DPYSL3: variants seen among roughly 807,000 people sequenced by gnomAD.
DPYSL3 encodes dihydropyrimidinase like 3.
Under a neutral mutation model 66.1 loss-of-function variants are expected in DPYSL3, and 16 were observed. The ratio of observed to expected loss-of-function variants is 0.24; its 90% CI spans 0.16 to 0.37. The LOEUF (loss-of-function observed/expected upper bound fraction) is 0.37. Ranked by LOEUF, DPYSL3 falls within the 10% of genes least tolerant of loss-of-function variation. DPYSL3 has a pLI of 1.00. For missense variants in DPYSL3, 738 were observed against 916.2 expected (o/e 0.81, Z 2.51); for synonymous variants, 338 against 345.1 (o/e 0.98, Z 0.23).
intron 2 of DPYSL3, among the ~76,000 whole-genome samples, chr5:147,421,788 G>C (rs931086833): frequency 2.0e-5 from 3 of 152,142 alleles, no homozygotes; most frequent in African/African-American, 7.2e-5. Flanking sequence ...AAACGGTGTT[G>C]GGAAAACTGG....
rs1367811557 is a variant in DPYSL3, at chr5:147,391,928, A to G, written c.*2107T>C. On this transcript the variant is annotated 3_prime_UTR_variant, in exon 14 of 14. Coordinates refer to ENST00000343218, the MANE Select transcript of DPYSL3 (RefSeq NM_001197294.2). ...ATTTGGCCATGGAAGACTTATCTTC[A>G]TGGCACAGAGAGGTTGTGCAGAGAT... The G allele has an allele frequency of 1.3e-5, 2 of 152,250 alleles. No homozygotes were observed. The highest frequency in any genetic ancestry group is 4.8e-5 in the African/African-American group (2 of 41,454). The allele number at this position is 152,250 out of a possible 1,614,324, so 9.4% of individuals were successfully genotyped here. A position where few individuals can be genotyped will look rare whatever the true frequency, so the allele number is the denominator to read the frequency against.
At chr5:147,409,082 C>T (rs1348856741) in intron 6 of DPYSL3, among the ~76,000 whole-genome samples, 1 of 152,202 alleles carries the variant, frequency 6.6e-6, no homozygotes, top group Non-Finnish European at 1.5e-5. Context: ...TATTGTTCAT[C>T]TCTCTCAGTC....
intron 8 of DPYSL3, among the ~76,000 whole-genome samples, chr5:147,403,109 C>T (rs1313833096): frequency 6.6e-6 from 1 of 152,030 alleles, no homozygotes; most frequent in Admixed American, 6.6e-5. Context: ...TCTAATAATG[C>T]GCGGGGTCTC....
intron 1 of DPYSL3, chr5:147,453,789 C>T: frequency 7.8e-7 from 1 of 1,279,036 alleles, no homozygotes; most frequent in Non-Finnish European, 9.9e-7. Flanking sequence ...CCCGGTCCCC[C>T]TTTCACCCCC....
intron 6 of DPYSL3, 121 bp downstream of exon 6, chr5:147,412,487 C>A: frequency 1.0e-6 from 1 of 978,874 alleles, no homozygotes; most frequent in Non-Finnish European, 1.6e-6. Context: ...CAGGTTCTGT[C>A]TTTAGCAAGG....
intron 1 of DPYSL3, chr5:147,473,139 A>G (rs1269033305): frequency 6.6e-6 from 1 of 152,222 alleles, no homozygotes; most frequent in Non-Finnish European, 1.5e-5. Flanking sequence ...ATGCCAAAAC[A>G]TGAAGCAGGG....
At chr5:147,464,179 G>C (rs1752974801) in intron 1 of DPYSL3, among the ~76,000 whole-genome samples, 1 of 152,164 alleles carries the variant, frequency 6.6e-6, no homozygotes, top group South Asian at 2.1e-4. Context: ...TCTGTGCAAG[G>C]ATAGGGAGCC....
intron 4 of DPYSL3, among the ~76,000 whole-genome samples, chr5:147,415,366 C>T (rs1751942329): frequency 6.6e-6 from 1 of 152,126 alleles, no homozygotes; most frequent in African/African-American, 2.4e-5. Context: ...TAGTTAGCCT[C>T]TCCTAACCTC....
chr5:147,441,153 C>A (rs924927090), intron 1 of DPYSL3, among the ~76,000 whole-genome samples: 3 of 151,580 alleles, frequency 2.0e-5, no homozygotes, highest in Admixed American at 6.6e-5. Flanking sequence ...TTAATTTTTT[C>A]ATTCTTTGTT....
intron 1 of DPYSL3, among the ~76,000 whole-genome samples, chr5:147,444,127 GTTATTATCCCTCCGGAGGGATAAT>G (rs1561790673): frequency 1.3e-5 from 2 of 152,104 alleles, no homozygotes. Context: ...AGAGGGATAA[GTTATTATCCCTCCGGAGGGATAAT>G]TTAAGGTAGC....
intron 1 of DPYSL3, among the ~76,000 whole-genome samples, chr5:147,487,360 T>A (rs1397340348): frequency 6.6e-6 from 1 of 152,218 alleles, no homozygotes; most frequent in African/African-American, 2.4e-5. Context: ...ATTTCAGGCA[T>A]CCTGAAAGGG....
At position 147,413,653 on chromosome 5, in the gene DPYSL3, A is replaced by T. The variant is rs1302915459; in HGVS notation, c.825T>A (p.Val275=). 6 of 1,611,644 alleles carry T rather than the reference A, an allele frequency of 3.7e-6. No homozygotes were observed. The highest frequency in any genetic ancestry group is 1.7e-5 in the Admixed American group (1 of 59,800). ...AAGCCATATAAACCATGAAGGAGTT[A>T]ACCCCTGCAAAAGAGGGACAGGAGG... The part of the protein sequence containing the change: ...EVQNLIKDKG[V]NSFMVYMAYK... The change falls in exon 5 of 14, where the codon GTT becomes GTA. Residue 275 remains valine (V), a synonymous_variant. Transcript: ENST00000343218.
intron 1 of DPYSL3, among the ~76,000 whole-genome samples, chr5:147,471,325 G>C (rs2126423507): frequency 6.6e-6 from 1 of 152,218 alleles, no homozygotes; most frequent in South Asian, 2.1e-4. Flanking sequence ...CAATGATTCA[G>C]ATGTAAGCCT....
intron 13 of DPYSL3, among the ~76,000 whole-genome samples, chr5:147,394,900 A>C (rs1302283517): frequency 6.6e-6 from 1 of 151,870 alleles, no homozygotes; most frequent in Non-Finnish European, 1.5e-5. Context: ...TTGTTATCTT[A>C]CTTCCTTCAC....
chr5:147,508,430 A>C (rs904446974), intron 1 of DPYSL3, among the ~76,000 whole-genome samples: 2 of 152,244 alleles, frequency 1.3e-5, no homozygotes, highest in Admixed American at 6.5e-5. Context: ...TAACCATATT[A>C]GTGCAGAATA....
chr5:147,431,787 C>T (rs1459481246), intron 1 of DPYSL3, among the ~76,000 whole-genome samples: 2 of 152,122 alleles, frequency 1.3e-5, no homozygotes, highest in Non-Finnish European at 2.9e-5. Flanking sequence ...GGCAAGTTCC[C>T]ATGGCCCCTC....
At chr5:147,463,453 G>T (rs1157812920) in intron 1 of DPYSL3, among the ~76,000 whole-genome samples, 1 of 152,164 alleles carries the variant, frequency 6.6e-6, no homozygotes, top group Non-Finnish European at 1.5e-5. Context: ...AAGATTAAAA[G>T]ATCGAGGAAA....
At chr5:147,409,131 T>C (rs1301611615) in intron 6 of DPYSL3, among the ~76,000 whole-genome samples, 1 of 152,230 alleles carries the variant, frequency 6.6e-6, no homozygotes, top group Non-Finnish European at 1.5e-5. Flanking sequence ...ATCTCATTTG[T>C]TTATTCACTC....
chr5:147,471,095 G>GCTA (rs1195269733), intron 1 of DPYSL3, among the ~76,000 whole-genome samples: 2 of 152,092 alleles, frequency 1.3e-5, no homozygotes, highest in Non-Finnish European at 2.9e-5. Context: ...ATGCATATAT[G>GCTA]CTACATACAT....
Sources: allele counts gnomAD v4.1 joint callset (sites outside exome capture counted in the v4.1 genomes callset), GRCh38; gene constraint gnomAD v4.1.1; transcripts MANE v1.5; gene names NCBI Gene and HGNC (gene_info 2026-07-23, HGNC 2026-07-21).